Variants in LYG2 observed in about 807,000 individuals in gnomAD.
LYG2 encodes lysozyme g-like protein 2.
In LYG2, 25 loss-of-function variants were observed where a neutral mutation model predicts 22.4. The ratio of observed to expected loss-of-function variants is 1.12; its 90% CI spans 0.81 to 1.56. The LOEUF is 1.56. Ranked by LOEUF, LYG2 falls within the 40% of genes most tolerant of loss-of-function variation. LYG2 has a pLI of 0.00. For synonymous variants in LYG2, 88 were observed against 97.0 expected (o/e 0.91, Z 0.55); for missense variants, 266 against 269.5 (o/e 0.99, Z 0.09).
Position 99,246,709 on chromosome 2 carries a change from G to T in LYG2, c.155C>A (p.Thr52Asn). The T allele has an allele frequency of 6.2e-7, 1 of 1,614,110 alleles. No homozygotes were observed. Among genetic ancestry groups the T allele is most frequent in the Non-Finnish European group, 8.5e-7 (1 of 1,179,996 alleles). The part of the protein sequence containing the change: ...DIMTMKTSGA[T>N]CDANSVMNCG... The stretch of plus-strand genomic sequence containing the variant: ...GTTCATCACACTGTTTGCATCACAA[G>T]TGGCCCCAGAGGTCTTCATGGTCAT... The change falls in exon 4 of 7, where the codon ACT becomes AAT. Residue 52 changes from threonine (T) to asparagine (N), a missense_variant. Coordinates refer to ENST00000333017, the MANE Select transcript of LYG2 (RefSeq NM_175735.4).
Position 99,244,022 on chromosome 2 carries a change from C to T in LYG2, c.497G>A (p.Trp166Ter). ...IKAIQKKFPT[W>*]SVAQHLKGGL... Reference sequence around the variant, plus strand: ...ACCTTTGAGGTGCTGAGCAACACTCCACGTGGGGAATTTTTTCTGGATTGC... The same window carrying T: ...ACCTTTGAGGTGCTGAGCAACACTCTACGTGGGGAATTTTTTCTGGATTGC... The change falls in exon 6 of 7, where the codon TGG becomes TAG. Residue 166 changes from tryptophan (W) to a stop codon, truncating the protein, a stop_gained. Transcript: ENST00000333017. LOFTEE classifies it high-confidence loss of function. The T allele has an allele frequency of 1.2e-6, 2 of 1,614,038 alleles. No homozygotes were observed. Among genetic ancestry groups the T allele is most frequent in the Non-Finnish European group, 1.7e-6 (2 of 1,179,994 alleles).
intron 4 of LYG2, among the ~76,000 whole-genome samples, chr2:99,246,099 C>T (rs558547471): frequency 6.6e-6 from 1 of 152,168 alleles, no homozygotes; most frequent in African/African-American, 2.4e-5. Context: ...CAAAGCAAGA[C>T]TCTGTCATAC....
chr2:99,254,098 G>A, intron 3 of LYG2, 120 bp downstream of exon 3: 2 of 874,648 alleles, frequency 2.3e-6, no homozygotes, highest in Non-Finnish European at 3.9e-6. Context: ...TGGCCAAGCT[G>A]GTCAGAATGA....
In LYG2 at chr2:99,242,500, G is replaced by T. The variant is rs1574861134; in HGVS notation, c.521-18C>A. 6.7e-7 allele frequency: 1 copy of T among 1,489,074 alleles called. No individual in the cohort carries two copies. Among genetic ancestry groups the T allele is most frequent in the Non-Finnish European group, 9.3e-7 (1 of 1,070,246 alleles). 92.2% of individuals were successfully genotyped at this position (1,489,074 alleles called of 1,614,324 possible). A position where few individuals can be genotyped will look rare whatever the true frequency, so the allele number is the denominator to read the frequency against. ...GAGACCACCTGAAATGAAACACAGA[G>T]AATTAGGCTCAAATATTAACTTTCA... is the stretch of plus-strand genomic sequence containing the variant. On this transcript the variant is annotated intron_variant, in intron 6 of 6. Coordinates refer to ENST00000333017, the MANE Select transcript of LYG2 (RefSeq NM_175735.4).
At chr2:99,245,610 A>AT (rs1213589951) in intron 4 of LYG2, 152 bp from the exon 5 acceptor site, 5 of 342,684 alleles carry the variant, frequency 1.5e-5, no homozygotes, top group East Asian at 1.3e-4. Flanking sequence ...CCCATCTCTA[A>AT]TTAAAAAAAA....
chr2:99,248,162 A>T (rs1205901741), intron 3 of LYG2, among the ~76,000 whole-genome samples: 2 of 152,100 alleles, frequency 1.3e-5, no homozygotes, highest in African/African-American at 4.8e-5. Flanking sequence ...ACCATTGTGG[A>T]AGTCAGTGTG....
chr2:99,260,365 T>C (rs79799210), upstream of LYG2, among the ~76,000 whole-genome samples: 442 of 152,344 alleles, frequency 2.9e-3, 2 homozygotes, highest in African/African-American at 1.0e-2. Context: ...AGTATGTTGA[T>C]AAGAGTTTTG....
chr2:99,247,521 C>T (rs1490920017), intron 3 of LYG2, among the ~76,000 whole-genome samples: 1 of 151,208 alleles, frequency 6.6e-6, no homozygotes, highest in Admixed American at 6.6e-5. Flanking sequence ...GATTGGCCTT[C>T]TATTGATCCT....
chr2:99,245,233 G>A (rs1418295413), intron 5 of LYG2, 29 bp downstream of exon 5: 7 of 1,551,894 alleles, frequency 4.5e-6, no homozygotes, highest in African/African-American at 4.1e-5. Flanking sequence ...GGATGCAGTG[G>A]GGCTGATAGA....
In LYG2 at chr2:99,245,441, T is replaced by C; in HGVS notation, c.202A>G (p.Met68Val). Residue 68 changes from methionine to valine, a missense_variant, in exon 5 of 7, where the codon ATG becomes GTG. By Grantham distance (21) the Met-to-Val change is conservative (BLOSUM62 1). Coordinates refer to ENST00000333017, the MANE Select transcript of LYG2 (RefSeq NM_175735.4). ...GCCCTCAAATCCATCTCAGCAAACA[T>C]TTCAGAACCACGGATCCCTACGTCA... ...VMNCGIRGSE[M>V]FAEMDLRAIK... The C allele has an allele frequency of 6.2e-7, 1 of 1,607,338 alleles. No homozygotes were observed. The highest frequency in any genetic ancestry group is 1.3e-5 in the African/African-American group (1 of 74,736).
At chr2:99,257,110 G>A (rs1314025638), upstream of LYG2, among the ~76,000 whole-genome samples, 1 of 152,202 alleles carries the variant, frequency 6.6e-6, no homozygotes, top group East Asian at 1.9e-4. Context: ...AGCAATCATT[G>A]CAACAGGTCC....
At chr2:99,244,838 C>T (rs946393585) in intron 5 of LYG2, among the ~76,000 whole-genome samples, 2 of 152,090 alleles carry the variant, frequency 1.3e-5, no homozygotes, top group Non-Finnish European at 2.9e-5. Context: ...TGGCCGGGCA[C>T]AGTGGCTCAA....
chr2:99,252,523 G>A (rs1313966100), intron 3 of LYG2, among the ~76,000 whole-genome samples: 1 of 152,186 alleles, frequency 6.6e-6, no homozygotes, highest in Non-Finnish European at 1.5e-5. Flanking sequence ...CTCAGCACCT[G>A]GAACAATGCT....
intron 6 of LYG2, chr2:99,243,693 CTTTTTTTT>C (rs999579137): frequency 7.6e-5 from 12 of 157,120 alleles, no homozygotes; most frequent in South Asian, 6.7e-4. Context: ...CCATGCCCAG[CTTTTTTTT>C]TTTTTTTTTT....
At position 99,254,221 on chromosome 2, in the gene LYG2, T is replaced by C. The variant is rs115679988; in HGVS notation, c.40A>G (p.Ile14Val). The C allele has an allele frequency of 2.5e-6, 4 of 1,613,862 alleles. No individual in the cohort carries two copies. Among genetic ancestry groups the C allele is most frequent in the South Asian group, 1.1e-5 (1 of 91,080 alleles). ...SVVFWGLIALIGTSRGSYPFS... is the reference protein window; with the variant it reads ...SVVFWGLIALVGTSRGSYPFS... ...TAAATCTCAGCCAGTGACTTACCAA[T>C]GAGGGCAATTAGTCCCCAAAACACC... is the stretch of plus-strand genomic sequence containing the variant. The change falls in exon 3 of 7, where the codon ATT becomes GTT. Residue 14 changes from isoleucine (I) to valine (V), a missense_variant. Transcript: ENST00000333017.
intron 3 of LYG2, among the ~76,000 whole-genome samples, chr2:99,248,681 TATG>T (rs1244355618): frequency 1.3e-5 from 2 of 150,930 alleles, no homozygotes; most frequent in Non-Finnish European, 3.0e-5. Context: ...CATGTATACA[TATG>T]TAACTAACCT....
At position 99,243,600 on chromosome 2, in the gene LYG2, A is replaced by G. The variant is rs1186408106; in HGVS notation, c.520+399T>C. 5.5e-6 allele frequency: 6 copies of G among 1,094,416 alleles called. No homozygotes were observed. The Admixed American group carries it at 1.4e-4, about 26-fold the overall frequency. 67.8% of individuals were successfully genotyped at this position (1,094,416 alleles called of 1,614,324 possible). ...TCCCAGGCTGGAGTGCAGTGATGTA[A>G]TCAATGCTCACTGCAGCCTTAACCT... On this transcript the variant is annotated intron_variant, in intron 6 of 6. Coordinates refer to ENST00000333017, the MANE Select transcript of LYG2 (RefSeq NM_175735.4).
At chr2:99,260,347 T>C (rs980642737), upstream of LYG2, among the ~76,000 whole-genome samples, 1 of 152,232 alleles carries the variant, frequency 6.6e-6, no homozygotes, top group Non-Finnish European at 1.5e-5. Flanking sequence ...TGCAATTCAA[T>C]GGTTTTTAGT....
At chr2:99,252,446 C>T (rs977640522) in intron 3 of LYG2, among the ~76,000 whole-genome samples, 4 of 151,930 alleles carry the variant, frequency 2.6e-5, no homozygotes, top group Non-Finnish European at 5.9e-5. Flanking sequence ...TCTTACTGTT[C>T]GTTCCTCTCA....
Sources: gnomAD v4.1 joint callset for allele counts (sites outside exome capture counted in the v4.1 genomes callset) on GRCh38, gnomAD v4.1.1 for gene constraint, MANE v1.5 for transcripts, NCBI Gene and HGNC (gene_info 2026-07-23, HGNC 2026-07-21) for gene names.